The following LTF variants were observed in gnomAD, a reference collection of about 807,000 sequenced individuals.
The protein encoded by LTF is epididymis luminal protein 110.
In LTF, 91 loss-of-function variants were observed where a neutral mutation model predicts 87.2. The observed-to-expected ratio is 1.04, with a 90% CI of 0.88 to 1.24. The LOEUF is 1.24. Ranked by LOEUF, LTF falls within the 50% of genes most tolerant of loss-of-function variation. The pLI is 0.00. For missense variants in LTF, 901 were observed against 904.3 expected, an observed-to-expected ratio of 1.00 and a Z score of 0.05; for synonymous variants, 378 against 356.1, an observed-to-expected ratio of 1.06 and a Z score of -0.69.
intron 11 of LTF, among the ~76,000 whole-genome samples, 181 bp downstream of exon 11, chr3:46,446,259 A>G (rs6776504): frequency 0.35 from 53,389 of 151,916 alleles, 9,898 homozygotes; most frequent in East Asian, 0.67. Context: ...GTGAAGGTCA[A>G]TATAAACATT....
chr3:46,455,840 C>T lies in LTF; in HGVS notation c.455G>A (p.Arg152His), dbSNP rs148123129. The change falls in exon 4 of 17, where the codon CGT becomes CAT. Residue 152 changes from arginine to histidine, a missense_variant. By Grantham distance (29) the Arg-to-His change is conservative. Coordinates refer to ENST00000231751, the MANE Select transcript of LTF (RefSeq NM_002343.6). ...TGGACCCGTCCAATTCAAGAATGGA[C>T]GAAGTGTCCCTATAGGGACATTCCA... ...AGWNVPIGTL[R>H]PFLNWTGPPE... 325 of 1,601,042 alleles carry T rather than the reference C, an allele frequency of 2.0e-4. No individual in the cohort carries two copies. The African/African-American group carries it at 3.5e-3, about 17-fold the overall frequency.
intron 1 of LTF, among the ~76,000 whole-genome samples, chr3:46,482,763 A>C (rs866702775): frequency 7.5e-6 from 1 of 132,768 alleles, no homozygotes; most frequent in African/African-American, 2.6e-5. Context: ...AGGAAAGAGA[A>C]AGAAAGAAAG....
In LTF at chr3:46,443,474, T is replaced by C. The variant is rs768065454; in HGVS notation, c.1622A>G (p.Asn541Ser). 6 of 1,614,208 alleles carry C rather than the reference T, an allele frequency of 3.7e-6. No individual in the cohort carries two copies. The highest frequency in any genetic ancestry group is 5.1e-6 in the Non-Finnish European group (6 of 1,180,024). The change falls in exon 13 of 17, where the codon AAC becomes AGC. Residue 541 changes from asparagine (N) to serine (S), a missense_variant. Coordinates refer to ENST00000231751, the MANE Select transcript of LTF (RefSeq NM_002343.6). ...QGENKCVPNS[N>S]ERYYGYTGAF... ...CCCAGTGTAGCCGTAGTATCTCTCGTTGCTGTTGGGCACGCACTTATTCTC... is the reference window on the plus strand; with the variant it reads ...CCCAGTGTAGCCGTAGTATCTCTCGCTGCTGTTGGGCACGCACTTATTCTC...
upstream of LTF, chr3:46,469,621 G>C (rs1166108089): frequency 6.5e-6 from 1 of 152,790 alleles, no homozygotes; most frequent in Non-Finnish European, 1.5e-5. Context: ...GAGAATGGGG[G>C]AGAAGGAGAA....
chr3:46,479,491 G>A (rs1261058598), intron 1 of LTF, among the ~76,000 whole-genome samples: 1 of 147,428 alleles, frequency 6.8e-6, no homozygotes, highest in African/African-American at 2.6e-5. Context: ...ACCTGGGAGA[G>A]AGATGAAGTG....
chr3:46,478,935 T>C (rs932095220), intron 1 of LTF, among the ~76,000 whole-genome samples: 3 of 152,230 alleles, frequency 2.0e-5, no homozygotes, highest in Non-Finnish European at 4.4e-5. Context: ...TCCAGCTTCC[T>C]GACTCCTTGC....
chr3:46,473,160 T>C (rs1424985671), intron 1 of LTF, among the ~76,000 whole-genome samples: 1 of 152,164 alleles, frequency 6.6e-6, no homozygotes, highest in African/African-American at 2.4e-5. Flanking sequence ...CACCCTTTCC[T>C]GAGGGAAACT....
intron 1 of LTF, among the ~76,000 whole-genome samples, chr3:46,477,139 G>C (rs6414429): frequency 0.83 from 125,542 of 151,938 alleles, 52,339 homozygotes; most frequent in East Asian, 0.99. Context: ...AGAGTTCTAG[G>C]GGCTTCACAT....
chr3:46,453,843 A>G (rs1190172435), intron 6 of LTF, among the ~76,000 whole-genome samples: 1 of 152,198 alleles, frequency 6.6e-6, no homozygotes, highest in Admixed American at 6.5e-5. Context: ...ACAGAGAAGT[A>G]AAAGGTGGAT....
At chr3:46,465,355 G>A (rs1227229381), upstream of LTF, among the ~76,000 whole-genome samples, 1 of 152,214 alleles carries the variant, frequency 6.6e-6, no homozygotes, top group Non-Finnish European at 1.5e-5. Context: ...GCAGTGAGCT[G>A]AGAGTTGAAA....
chr3:46,442,221 T>C (rs1702540224), intron 13 of LTF, among the ~76,000 whole-genome samples: 1 of 151,948 alleles, frequency 6.6e-6, no homozygotes. Context: ...AAGTCTGTGG[T>C]TGTGTGGTGG....
chr3:46,483,735 G>C (rs1229426326), intron 1 of LTF, among the ~76,000 whole-genome samples: 1 of 152,164 alleles, frequency 6.6e-6, no homozygotes, highest in Non-Finnish European at 1.5e-5. Context: ...AACTCATCTA[G>C]CTACACAAAT....
Position 46,447,346 on chromosome 3 carries a change from C to G in LTF, c.1265G>C (p.Gly422Ala). The G allele has an allele frequency of 1.5e-5, 25 of 1,614,196 alleles. No homozygotes were observed. The highest frequency in any genetic ancestry group is 2.1e-5 in the Non-Finnish European group (25 of 1,180,022). The change falls in exon 10 of 17, where the codon GGC becomes GCC. Residue 422 changes from glycine to alanine, a missense_variant. Physicochemically the swap from Gly to Ala is moderately conservative, Grantham distance 60. Coordinates refer to ENST00000231751, the MANE Select transcript of LTF (RefSeq NM_002343.6). ...CAGGACAGGCACCAAACCACATTTG[C>G]CTGCAGTGTACACATATCCTCCATC... ...SLDGGYVYTA[G>A]KCGLVPVLAE... is the part of the protein sequence containing the mutation.
intron 1 of LTF, among the ~76,000 whole-genome samples, chr3:46,478,991 A>T (rs1273402959): frequency 6.6e-6 from 1 of 152,222 alleles, no homozygotes; most frequent in African/African-American, 2.4e-5. Flanking sequence ...CAGAGCATTT[A>T]TCCTGGACCA....
At chr3:46,457,215 G>A (rs2106885581) in intron 2 of LTF, among the ~76,000 whole-genome samples, 1 of 152,306 alleles carries the variant, frequency 6.6e-6, no homozygotes. Context: ...ATCATATTTT[G>A]TGGACTGCTT....
chr3:46,468,224 G>A (rs1703240033), upstream of LTF: 1 of 456,800 alleles, frequency 2.2e-6, no homozygotes, highest in Non-Finnish European at 4.4e-6. Context: ...CCATGCCAAA[G>A]CCTGTGTACA....
chr3:46,457,371 T>C (rs62247792), intron 2 of LTF, among the ~76,000 whole-genome samples: 5 of 152,256 alleles, frequency 3.3e-5, no homozygotes, highest in Non-Finnish European at 7.3e-5. Flanking sequence ...TATTTCTAAC[T>C]GTTTCCTGTG....
Position 46,436,152 on chromosome 3 carries a change from A to G in LTF, c.*43T>C, listed in dbSNP as rs1239446352. The G allele has an allele frequency of 1.9e-6, 3 of 1,610,130 alleles. No individual in the cohort carries two copies. Among genetic ancestry groups the G allele is most frequent in the Non-Finnish European group, 2.6e-6 (3 of 1,176,424 alleles). ...TGGGGAGAAGAGCTGGGGGCAGTGA[A>G]TGGCTGAGGCTTTCTTGGGGAGCTG... On this transcript the variant is annotated 3_prime_UTR_variant, in exon 17 of 17. Coordinates refer to ENST00000231751, the MANE Select transcript of LTF (RefSeq NM_002343.6).
chr3:46,437,723 A>C (rs1268138805), intron 16 of LTF, among the ~76,000 whole-genome samples: 1 of 152,246 alleles, frequency 6.6e-6, no homozygotes, highest in African/African-American at 2.4e-5. Flanking sequence ...TGCCATCACT[A>C]TCCGTACTAT....
Sources: gnomAD v4.1 joint callset for allele counts (sites outside exome capture counted in the v4.1 genomes callset) on GRCh38, gnomAD v4.1.1 for gene constraint, MANE v1.5 for transcripts, NCBI Gene and HGNC (gene_info 2026-07-23, HGNC 2026-07-21) for gene names.